Variants in PTPN3 observed in about 807,000 individuals in gnomAD.
PTPN3 encodes the protein protein tyrosine phosphatase non-receptor type 3, also known as tyrosine-protein phosphatase non-receptor type 3.
Under a neutral mutation model 132.7 loss-of-function variants are expected in PTPN3, and 96 were observed. The ratio of observed to expected loss-of-function variants is 0.72; its 90% CI spans 0.61 to 0.86. The LOEUF (loss-of-function observed/expected upper bound fraction) is 0.86. Ranked by LOEUF, PTPN3 falls within the 40% of genes least tolerant of loss-of-function variation. PTPN3 has a pLI of 0.00. For synonymous variants in PTPN3, 398 were observed against 429.0 expected (o/e 0.93, Z 0.89); for missense variants, 1,125 against 1,159.6 (o/e 0.97, Z 0.43).
At chr9:109,509,977 C>T in the PTPN3 span, among the ~76,000 whole-genome samples, 26 of 152,076 alleles carry the variant, frequency 1.7e-4, no homozygotes, top group East Asian at 3.9e-4. Context: ...CTTTTGTACC[C>T]ACAAGGAAAT....
At position 109,381,722 on chromosome 9, in the gene PTPN3, T is replaced by C. The variant is rs752456729; in HGVS notation, c.2594A>G (p.Asn865Ser). Residue 865 changes from asparagine (N) to serine (S), a missense_variant, in exon 25 of 26, where the codon AAC becomes AGC. By Grantham distance (46) the Asn-to-Ser change is conservative. Transcript: ENST00000374541. ...AATATCCAGTGGGTAAATGGGCAGGTTCCTCTCAGTTAGGCACATGGCTGT... is the reference window on the plus strand; with the variant it reads ...AATATCCAGTGGGTAAATGGGCAGGCTCCTCTCAGTTAGGCACATGGCTGT... ...METAMCLTER[N>S]LPIYPLDIVR... The C allele has an allele frequency of 6.2e-7, 1 of 1,614,192 alleles. No homozygotes were observed. Among genetic ancestry groups the C allele is most frequent in the South Asian group, 1.1e-5 (1 of 91,080 alleles).
At chr9:109,518,940 A>G in the PTPN3 span, among the ~76,000 whole-genome samples, 3 of 152,130 alleles carry the variant, frequency 2.0e-5, no homozygotes, top group Non-Finnish European at 4.4e-5. Flanking sequence ...GCAAACTCCT[A>G]TTCATCCTTC....
the PTPN3 span, among the ~76,000 whole-genome samples, chr9:109,516,315 G>A: frequency 2.0e-5 from 3 of 152,138 alleles, no homozygotes; most frequent in Non-Finnish European, 4.4e-5. Flanking sequence ...ATTATAAGGT[G>A]GTGAGATAAA....
intron 5 of PTPN3, among the ~76,000 whole-genome samples, chr9:109,451,954 TC>T (rs1845273468): frequency 6.6e-6 from 1 of 152,070 alleles, no homozygotes; most frequent in Non-Finnish European, 1.5e-5. Context: ...ATTTAATGCG[TC>T]ACAGTTGGCA....
At chr9:109,390,659 C>T (rs1248523857) in intron 21 of PTPN3, among the ~76,000 whole-genome samples, 10 of 151,916 alleles carry the variant, frequency 6.6e-5, no homozygotes, top group Admixed American at 6.6e-4. Flanking sequence ...AGTAAGTTGC[C>T]CAAGATGCGT....
intron 1 of PTPN3, among the ~76,000 whole-genome samples, chr9:109,497,443 C>T (rs1386067786): frequency 2.0e-5 from 3 of 152,108 alleles, no homozygotes; most frequent in Non-Finnish European, 4.4e-5. Context: ...CACCAGCTGG[C>T]CAAGGGGGAG....
At chr9:109,465,455 A>G (rs1459785932) in intron 1 of PTPN3, among the ~76,000 whole-genome samples, 1 of 152,188 alleles carries the variant, frequency 6.6e-6, no homozygotes, top group Non-Finnish European at 1.5e-5. Flanking sequence ...TGCACCTCTA[A>G]TCCCAGCACT....
chr9:109,489,706 C>T (rs1847371443), intron 1 of PTPN3, among the ~76,000 whole-genome samples: 1 of 152,024 alleles, frequency 6.6e-6, no homozygotes, highest in South Asian at 2.1e-4. Context: ...ATGAGTCTCA[C>T]CCCTCATCAA....
At chr9:109,386,357 T>C (rs542790485) in intron 22 of PTPN3, among the ~76,000 whole-genome samples, 1 of 152,264 alleles carries the variant, frequency 6.6e-6, no homozygotes, top group East Asian at 1.9e-4. Context: ...TGGGCCAAAT[T>C]TAGAAGGCTT....
At chr9:109,436,342 A>G (rs553956113) in intron 9 of PTPN3, among the ~76,000 whole-genome samples, 1 of 152,242 alleles carries the variant, frequency 6.6e-6, no homozygotes, top group African/African-American at 2.4e-5. Context: ...TATGGAACTC[A>G]TGGTATTACC....
intron 1 of PTPN3, among the ~76,000 whole-genome samples, chr9:109,495,099 G>A (rs1325630014): frequency 6.6e-6 from 1 of 152,176 alleles, no homozygotes. Context: ...ACCCAGCCAA[G>A]AGCAGTGTGG....
chr9:109,512,166 A>G, the PTPN3 span, among the ~76,000 whole-genome samples: 1 of 152,188 alleles, frequency 6.6e-6, no homozygotes, highest in African/African-American at 2.4e-5. Flanking sequence ...GCAATTGACC[A>G]ATCTTCCACC....
At position 109,382,285 on chromosome 9, in the gene PTPN3, A is replaced by G; in HGVS notation, c.2528+17T>C. 1 of 1,612,626 alleles carries G rather than the reference A, an allele frequency of 6.2e-7. No individual in the cohort carries two copies. ...AGGGAAAGGATTCCAAACCTAACAA[A>G]ACAGCAAGCGCCATACCTGCAGTGA... On this transcript the variant is annotated intron_variant, in intron 24 of 25. Coordinates refer to ENST00000374541, the MANE Select transcript of PTPN3 (RefSeq NM_002829.4).
chr9:109,431,232 T>G (rs1843642987), intron 10 of PTPN3, among the ~76,000 whole-genome samples: 1 of 152,210 alleles, frequency 6.6e-6, no homozygotes. Flanking sequence ...TTCACAAACC[T>G]GCTTCTCCTG....
In PTPN3 at chr9:109,382,374, G is replaced by A; in HGVS notation, c.2456C>T (p.Ser819Phe). Residue 819 changes from serine (S) to phenylalanine (F), a missense_variant, in exon 24 of 26, where the codon TCC becomes TTC. By Grantham distance (155) the Ser-to-Phe change is radical. Transcript: ENST00000374541. Reference protein sequence around the residue: ...WPDHGVPDDSSDFLEFVNYVR... With the variant: ...WPDHGVPDDSFDFLEFVNYVR... ...ATAGTTTACAAATTCCAGAAAGTCG[G>A]AGGAGTCATCGGGCACACCGTGGTC... is the stretch of plus-strand genomic sequence containing the variant. 4.3e-6 allele frequency: 7 copies of A among 1,614,150 alleles called. No homozygotes were observed. The highest frequency in any genetic ancestry group is 2.2e-5 in the East Asian group (1 of 44,888).
chr9:109,525,725 T>G, the PTPN3 span, among the ~76,000 whole-genome samples: 1 of 152,220 alleles, frequency 6.6e-6, no homozygotes, highest in African/African-American at 2.4e-5. Context: ...TCTAGCAAGA[T>G]GACTTTTTCT....
At chr9:109,428,475 G>A in intron 11 of PTPN3, 146 bp downstream of exon 11, 2 of 752,046 alleles carry the variant, frequency 2.7e-6, no homozygotes, top group South Asian at 2.0e-5. Context: ...ATGGGGCAAA[G>A]TGGTGCATGT....
chr9:109,501,451 T>G (rs1847863509), upstream of PTPN3, among the ~76,000 whole-genome samples: 1 of 152,216 alleles, frequency 6.6e-6, no homozygotes, highest in African/African-American at 2.4e-5. Flanking sequence ...CCTTATTTTC[T>G]CTACCCTTTG....
chr9:109,524,553 A>C, the PTPN3 span, among the ~76,000 whole-genome samples: 1 of 152,222 alleles, frequency 6.6e-6, no homozygotes, highest in Non-Finnish European at 1.5e-5. Flanking sequence ...AGAAGTTTAT[A>C]ATAAATGGTA....
Sources: allele counts gnomAD v4.1 joint callset (sites outside exome capture counted in the v4.1 genomes callset), GRCh38; gene constraint gnomAD v4.1.1; transcripts MANE v1.5; gene names NCBI Gene and HGNC (gene_info 2026-07-23, HGNC 2026-07-21).